PTPRD: variants seen among roughly 807,000 people sequenced by gnomAD.
The protein encoded by PTPRD is protein tyrosine phosphatase receptor type D, also known as receptor-type tyrosine-protein phosphatase delta.
Under a neutral mutation model 214.5 loss-of-function variants are expected in PTPRD, and 34 were observed. That is an observed-to-expected ratio of 0.16 (90% CI 0.12 to 0.21). PTPRD has a LOEUF of 0.21. Among genes scored for constraint, PTPRD ranks in the 10% least tolerant of loss-of-function variants. The pLI is 1.00. For synonymous variants in PTPRD, 1,128 were observed against 845.7 expected, an observed-to-expected ratio of 1.33 and a Z score of -5.79; for missense variants, 2,545 against 2,398.7, an observed-to-expected ratio of 1.06 and a Z score of -1.27.
At chr9:8,640,122 G>C (rs2096540603) in intron 12 of PTPRD, among the ~76,000 whole-genome samples, 1 of 151,978 alleles carries the variant, frequency 6.6e-6, no homozygotes, top group Admixed American at 6.6e-5. Context: ...GTAGACATGG[G>C]GTCTCCCTAT....
chr9:9,236,483 A>T (rs10977598), intron 9 of PTPRD, among the ~76,000 whole-genome samples: 17,450 of 151,358 alleles, frequency 0.12, 1,229 homozygotes, highest in Non-Finnish European at 0.15. Flanking sequence ...GCCCTCTTAT[A>T]CTCTCTCAAC....
intron 3 of PTPRD, among the ~76,000 whole-genome samples, chr9:10,212,882 G>A (rs2099523623): frequency 6.6e-6 from 1 of 152,126 alleles, no homozygotes; most frequent in African/African-American, 2.4e-5. Flanking sequence ...GACTATTAAG[G>A]AATTCCGGCA....
At chr9:9,548,831 A>T (rs1251747349) in intron 8 of PTPRD, among the ~76,000 whole-genome samples, 1 of 152,182 alleles carries the variant, frequency 6.6e-6, no homozygotes, top group Non-Finnish European at 1.5e-5. Context: ...TACTAAATGT[A>T]TATCCCTTAA....
intron 2 of PTPRD, among the ~76,000 whole-genome samples, chr9:10,355,072 A>G (rs1340561629): frequency 2.0e-5 from 3 of 152,214 alleles, no homozygotes; most frequent in Non-Finnish European, 4.4e-5. Flanking sequence ...AAATCATTAT[A>G]TATTTCTACT....
intron 11 of PTPRD, among the ~76,000 whole-genome samples, chr9:8,978,149 T>C (rs1017808279): frequency 6.6e-6 from 1 of 151,984 alleles, no homozygotes; most frequent in Non-Finnish European, 1.5e-5. Flanking sequence ...CTTAAGTAAT[T>C]AACGTAAATT....
At chr9:10,595,920 G>T (rs768127913) in intron 2 of PTPRD, among the ~76,000 whole-genome samples, 3 of 151,766 alleles carry the variant, frequency 2.0e-5, no homozygotes, top group African/African-American at 4.8e-5. Context: ...ATCTAAAAGA[G>T]AAAGGATCAG....
intron 9 of PTPRD, among the ~76,000 whole-genome samples, chr9:9,193,502 C>T (rs1388826838): frequency 2.6e-5 from 4 of 152,108 alleles, no homozygotes; most frequent in Non-Finnish European, 5.9e-5. Flanking sequence ...AGTGTACTTA[C>T]ACAAACTTAG....
intron 7 of PTPRD, among the ~76,000 whole-genome samples, chr9:9,670,846 G>A (rs2096817681): frequency 6.6e-6 from 1 of 152,206 alleles, no homozygotes; most frequent in Non-Finnish European, 1.5e-5. Context: ...GGATGCCCAG[G>A]CAGAAGTTTG....
intron 4 of PTPRD, among the ~76,000 whole-genome samples, chr9:9,951,293 G>C (rs1197684183): frequency 6.6e-6 from 1 of 152,178 alleles, no homozygotes; most frequent in Non-Finnish European, 1.5e-5. Flanking sequence ...CTCAATGGCA[G>C]TGTTTGAAGA....
chr9:10,481,065 T>C (rs1853230), intron 2 of PTPRD, among the ~76,000 whole-genome samples: 21,758 of 151,752 alleles, frequency 0.14, 1,678 homozygotes, highest in South Asian at 0.23. Flanking sequence ...TTCTGTTTGT[T>C]ATAGATGATC....
intron 10 of PTPRD, among the ~76,000 whole-genome samples, chr9:9,068,774 G>C (rs955090631): frequency 6.6e-6 from 1 of 152,042 alleles, no homozygotes; most frequent in Non-Finnish European, 1.5e-5. Context: ...ACCATACCTA[G>C]CTAATTTTTG....
chr9:8,634,706 TAA>T (rs1344705512), intron 13 of PTPRD, among the ~76,000 whole-genome samples: 13 of 152,050 alleles, frequency 8.5e-5, no homozygotes, highest in Non-Finnish European at 1.3e-4. Context: ...TCCATAATTT[TAA>T]AAAAGTTATT....
At chr9:9,244,665 C>G (rs887848497) in intron 9 of PTPRD, among the ~76,000 whole-genome samples, 1 of 152,072 alleles carries the variant, frequency 6.6e-6, no homozygotes, top group Non-Finnish European at 1.5e-5. Flanking sequence ...AAATGTTAGA[C>G]CAAAAACCAT....
At position 10,372,246 on chromosome 9, in the gene PTPRD, G is replaced by C. The variant is rs567342827; in HGVS notation, c.-599-31229C>G. On this transcript the variant is annotated intron_variant, in intron 2 of 45. Transcript: ENST00000381196. ...TCCTTTAGATTTCCACGTATACTTA[G>C]TAGTAATATGAAATTATATGATAAA... 4.6e-5 allele frequency among the ~76,000 whole-genome samples: 7 copies of C among 152,080 alleles called. No homozygotes were observed. The South Asian group carries it at 8.3e-4, about 18-fold the overall frequency.
chr9:8,417,074 A>T (rs531948262), intron 35 of PTPRD, among the ~76,000 whole-genome samples: 1 of 152,220 alleles, frequency 6.6e-6, no homozygotes, highest in South Asian at 2.1e-4. Context: ...AATAGATTAA[A>T]CACCAGATAC....
chr9:9,821,142 T>G (rs1268668022), intron 5 of PTPRD, among the ~76,000 whole-genome samples: 6 of 152,158 alleles, frequency 3.9e-5, no homozygotes, highest in Non-Finnish European at 8.8e-5. Context: ...CATCTATGTT[T>G]TCTGTTAAGT....
In PTPRD at chr9:9,766,803, T is replaced by C. The variant is rs2098710195; in HGVS notation, c.-326+7A>G. 1.3e-5 allele frequency: 2 copies of C among 152,494 alleles called. No individual in the cohort carries two copies. Among genetic ancestry groups the C allele is most frequent in the Admixed American group, 1.3e-4 (2 of 15,268 alleles). The allele number at this position is 152,494 out of a possible 1,614,324, so 9.4% of individuals were successfully genotyped here. ...GAAATTTTAAAATATATTTTAAATA[T>C]ACTCACCTTTGTCCAAGGCACATTC... On this transcript the variant is annotated splice_region_variant and intron_variant, in intron 6 of 45. Coordinates refer to ENST00000381196, the MANE Select transcript of PTPRD (RefSeq NM_002839.4).
chr9:8,733,932 G>A lies in PTPRD; in HGVS notation c.-89C>T, dbSNP rs2098688883. ...TCTGTCCGATCTGAAATTTCAGCTG[G>A]AACACTTTCAGAGCCTGAAAGCGGG... On this transcript the variant is annotated 5_prime_UTR_variant, in exon 12 of 46. Coordinates refer to ENST00000381196, the MANE Select transcript of PTPRD (RefSeq NM_002839.4). The A allele has an allele frequency of 7.4e-7, 1 of 1,345,412 alleles. No homozygotes were observed. Among genetic ancestry groups the A allele is most frequent in the South Asian group, 1.3e-5 (1 of 79,724 alleles). The allele number at this position is 1,345,412 out of a possible 1,614,324, so 83.3% of individuals were successfully genotyped here.
At chr9:9,460,622 A>C (rs1440185822) in intron 8 of PTPRD, among the ~76,000 whole-genome samples, 1 of 152,172 alleles carries the variant, frequency 6.6e-6, no homozygotes, top group Non-Finnish European at 1.5e-5. Context: ...AACCACAATA[A>C]GATACCATCT....
Sources: allele counts gnomAD v4.1 joint callset (sites outside exome capture counted in the v4.1 genomes callset), GRCh38; gene constraint gnomAD v4.1.1; transcripts MANE v1.5; gene names NCBI Gene and HGNC (gene_info 2026-07-23, HGNC 2026-07-21).